Variants in OXNAD1 observed in about 807,000 individuals in gnomAD.
OXNAD1 encodes the protein oxidoreductase NAD binding domain containing 1, also known as oxidoreductase NAD-binding domain-containing protein 1.
In OXNAD1, 34 loss-of-function variants were observed where a neutral mutation model predicts 32.9. That is an observed-to-expected ratio of 1.03 (90% CI 0.79 to 1.38). The LOEUF (loss-of-function observed/expected upper bound fraction) is 1.38, where lower values mean the gene tolerates loss of function less well. Ranked by LOEUF, OXNAD1 falls within the 40% of genes most tolerant of loss-of-function variation. The pLI, the probability that OXNAD1 is intolerant of heterozygous loss-of-function variation, is 0.00. For synonymous variants in OXNAD1, 134 were observed against 135.2 expected (o/e 0.99, Z 0.06); for missense variants, 407 against 379.4 (o/e 1.07, Z -0.60).
intron 6 of OXNAD1, among the ~76,000 whole-genome samples, chr3:16,300,718 G>T (rs1217096980): frequency 6.6e-6 from 1 of 152,102 alleles, no homozygotes; most frequent in Non-Finnish European, 1.5e-5. Flanking sequence ...TCCTACAATG[G>T]CTGATTTCAA....
At position 16,335,374 on chromosome 3, in the gene OXNAD1, G is replaced by T. The variant is rs1360629497; in HGVS notation, c.*31-1738G>T. ...TTGGACAATCCTGCATGGGAAACAG[G>T]CTTAAGAAGGGAGTTTGTACCACAT... On this transcript the variant is annotated intron_variant, in intron 9 of 9. Transcript: ENST00000435829. The surrounding 1 kb of genome is among the most constrained non-coding windows in gnomAD (Gnocchi z 4.7). Among the ~76,000 whole-genome samples the T allele has an allele frequency of 6.6e-6, 1 of 152,188 alleles. No homozygotes were observed. Among genetic ancestry groups the T allele is most frequent in the Non-Finnish European group, 1.5e-5 (1 of 68,034 alleles).
chr3:16,328,926 C>T (rs947542768), intron 9 of OXNAD1, among the ~76,000 whole-genome samples: 3 of 152,190 alleles, frequency 2.0e-5, no homozygotes, highest in East Asian at 1.9e-4. Flanking sequence ...AGGATCAGCT[C>T]TGTTAGAAAT....
intron 9 of OXNAD1, among the ~76,000 whole-genome samples, chr3:16,343,178 G>A (rs990542586): frequency 6.6e-6 from 1 of 152,068 alleles, no homozygotes; most frequent in African/African-American, 2.4e-5. Flanking sequence ...GTGATTCTGA[G>A]GACTAGCAAG....
In OXNAD1 at chr3:16,301,547, C is replaced by A. The variant is rs2067181012; in HGVS notation, c.433-79C>A. 2 of 1,518,576 alleles carry A rather than the reference C, an allele frequency of 1.3e-6. No individual in the cohort carries two copies. Among genetic ancestry groups the A allele is most frequent in the Non-Finnish European group, 1.8e-6 (2 of 1,111,902 alleles). The allele number at this position is 1,518,576 out of a possible 1,614,324, so 94.1% of individuals were successfully genotyped here. A position where few individuals can be genotyped will look rare whatever the true frequency, so the allele number is the denominator to read the frequency against. ...AAATACTGATAATACAGGAGATAGACCCAGTTTTATTAAAGTAGAACATTT... is the reference window on the plus strand; with the variant it reads ...AAATACTGATAATACAGGAGATAGAACCAGTTTTATTAAAGTAGAACATTT... On this transcript the variant is annotated intron_variant, in intron 6 of 8. Coordinates refer to ENST00000285083, the MANE Select transcript of OXNAD1 (RefSeq NM_138381.5). This position sits in a 1 kb window ranked among gnomAD's most constrained non-coding sequence, Gnocchi z 4.1.
intron 4 of OXNAD1, among the ~76,000 whole-genome samples, chr3:16,285,642 T>C (rs903427621): frequency 6.6e-6 from 1 of 152,218 alleles, no homozygotes; most frequent in African/African-American, 2.4e-5. Context: ...AGAAATCAGA[T>C]ACATCATGTA....
chr3:16,312,898 T>TG lies in OXNAD1; in HGVS notation c.*30+9306_*30+9307insG, dbSNP rs1297991788. Among the ~76,000 whole-genome samples, 5 of 152,232 alleles carry TG rather than the reference T, an allele frequency of 3.3e-5. No homozygotes were observed. Among genetic ancestry groups the TG allele is most frequent in the Admixed American group, 1.3e-4 (2 of 15,284 alleles). On this transcript the variant is annotated intron_variant, in intron 9 of 9. Coordinates refer to the OXNAD1 transcript ENST00000435829. This position sits in a 1 kb window ranked among gnomAD's most constrained non-coding sequence, Gnocchi z 4.7. ...GACTAATGTTTACCTTTTTGTTACT[T>TG]ATAAACCATTGATAAATAATTTAAG...
intron 9 of OXNAD1, among the ~76,000 whole-genome samples, chr3:16,313,857 G>T (rs913935214): frequency 6.6e-6 from 1 of 152,114 alleles, no homozygotes; most frequent in Non-Finnish European, 1.5e-5. Context: ...TTTTGACCTT[G>T]TGGCTATATG....
At position 16,284,302 on chromosome 3, in the gene OXNAD1, CAATGA is replaced by C. The variant is rs2065936880; in HGVS notation, c.184-2036_184-2032del. Among the ~76,000 whole-genome samples the C allele has an allele frequency of 6.6e-6, 1 of 152,128 alleles. No homozygotes were observed. Among genetic ancestry groups the C allele is most frequent in the South Asian group, 2.1e-4 (1 of 4,826 alleles). On this transcript the variant is annotated intron_variant, in intron 4 of 8. Coordinates refer to ENST00000285083, the MANE Select transcript of OXNAD1 (RefSeq NM_138381.5). The surrounding 1 kb of genome is among the most constrained non-coding windows in gnomAD (Gnocchi z 4.1). ...AAATGCTAATTAATTTTAATTAAGACAATGAAATACAGTCATGTGTTGCCTGCTGA... is the reference window on the plus strand; with the variant it reads ...AAATGCTAATTAATTTTAATTAAGACAATACAGTCATGTGTTGCCTGCTGA...
At chr3:16,326,879 G>C in intron 9 of OXNAD1, 1 of 1,611,600 alleles carries the variant, frequency 6.2e-7, no homozygotes, top group East Asian at 2.2e-5. Flanking sequence ...TCGACACCCT[G>C]GGGGAACAAG....
chr3:16,336,706 G>A lies in OXNAD1; in HGVS notation c.*31-406G>A, dbSNP rs965908999. Among the ~76,000 whole-genome samples, 13 of 151,990 alleles carry A rather than the reference G, an allele frequency of 8.6e-5. 2 individuals carry two copies. Among genetic ancestry groups the A allele is most frequent in the Admixed American group, 1.3e-4 (2 of 15,280 alleles). ...AGCTTAGTTCTTAGATGCAGAAAAG[G>A]GTCAGAGGAAAATACATGTAGTGCA... On this transcript the variant is annotated intron_variant, in intron 9 of 9. Coordinates refer to the OXNAD1 transcript ENST00000435829. The surrounding 1 kb of genome is among the most constrained non-coding windows in gnomAD (Gnocchi z 6.0).
At chr3:16,272,094 T>C in intron 4 of OXNAD1, 1 of 408,682 alleles carries the variant, frequency 2.4e-6, no homozygotes, top group East Asian at 6.7e-5. Flanking sequence ...TGGGGTCTTT[T>C]TTTTTTTTTT....
Position 16,327,912 on chromosome 3 carries a change from A to G in OXNAD1, c.*31-9200A>G, listed in dbSNP as rs930466338. The stretch of plus-strand genomic sequence containing the variant: ...ACTACGGGTTCCTCACTAACACTCA[A>G]AGTGTAGCCCCCACCCCTGCTCTGT... On this transcript the variant is annotated intron_variant, in intron 9 of 9. Coordinates refer to the OXNAD1 transcript ENST00000435829. This position sits in a 1 kb window ranked among gnomAD's most constrained non-coding sequence, Gnocchi z 4.2. 2.6e-5 allele frequency among the ~76,000 whole-genome samples: 4 copies of G among 151,772 alleles called. No individual in the cohort carries two copies. Among genetic ancestry groups the G allele is most frequent in the African/African-American group, 9.7e-5 (4 of 41,424 alleles).
At position 16,265,495 on chromosome 3, in the gene OXNAD1, C is replaced by G. The variant is rs900077386; in HGVS notation, c.-169C>G. The G allele has an allele frequency of 1.3e-5, 2 of 153,002 alleles. No homozygotes were observed. The highest frequency in any genetic ancestry group is 4.8e-5 in the African/African-American group (2 of 41,422). The allele number at this position is 153,002 out of a possible 1,614,324, so 9.5% of individuals were successfully genotyped here. ...CAGGGCGACGGTCAGCTTGTTAATTCCTGGCTGCAGGTACATTCCGCTTCT... is the reference window on the plus strand; with the variant it reads ...CAGGGCGACGGTCAGCTTGTTAATTGCTGGCTGCAGGTACATTCCGCTTCT... On this transcript the variant is annotated 5_prime_UTR_variant, in exon 1 of 9. Transcript: ENST00000285083. This position sits in a 1 kb window ranked among gnomAD's most constrained non-coding sequence, Gnocchi z 4.8.
At chr3:16,282,820 C>CTTTTTTTTTTTTTT (rs11379565) in intron 4 of OXNAD1, among the ~76,000 whole-genome samples, 1 of 72,014 alleles carries the variant, frequency 1.4e-5, no homozygotes, top group Non-Finnish European at 2.5e-5. Context: ...GGACTTTCAG[C>CTTTTTTTTTTTTTT]TTTTTTTTTT....
intron 6 of OXNAD1, among the ~76,000 whole-genome samples, chr3:16,300,843 C>T (rs926093408): frequency 3.3e-5 from 5 of 152,168 alleles, no homozygotes; most frequent in African/African-American, 1.2e-4. Context: ...TGGCCCTGCC[C>T]TTTAAATGCC....
At chr3:16,292,136 A>G (rs2066469390) in intron 5 of OXNAD1, among the ~76,000 whole-genome samples, 1 of 151,350 alleles carries the variant, frequency 6.6e-6, no homozygotes, top group African/African-American at 2.4e-5. Context: ...GAACCTTAAT[A>G]TTAATAGATA....
At position 16,329,064 on chromosome 3, in the gene OXNAD1, T is replaced by A. The variant is rs531966364; in HGVS notation, c.*31-8048T>A. On this transcript the variant is annotated intron_variant, in intron 9 of 9. Coordinates refer to the OXNAD1 transcript ENST00000435829. The surrounding 1 kb of genome is among the most constrained non-coding windows in gnomAD (Gnocchi z 4.5). ...ATTGAATGGTGAGGCCTGGTGGGAG[T>A]GTTTAGGTCAGAAGGGCTCCACTCT... Among the ~76,000 whole-genome samples the A allele has an allele frequency of 1.3e-5, 2 of 151,414 alleles. No homozygotes were observed. Among genetic ancestry groups the A allele is most frequent in the East Asian group, 3.9e-4 (2 of 5,146 alleles).
Position 16,301,032 on chromosome 3 carries a change from C to G in OXNAD1, c.433-594C>G, listed in dbSNP as rs79600672. On this transcript the variant is annotated intron_variant, in intron 6 of 8. Transcript: ENST00000285083. This position sits in a 1 kb window ranked among gnomAD's most constrained non-coding sequence, Gnocchi z 4.1. Reference sequence around the variant, plus strand: ...TATCTAGATAGGTCTATGTGATACTCCCTAGTATGAAGCCTCTGGCTGCCT... The same window carrying G: ...TATCTAGATAGGTCTATGTGATACTGCCTAGTATGAAGCCTCTGGCTGCCT... Among the ~76,000 whole-genome samples the G allele has an allele frequency of 6.6e-5, 10 of 152,250 alleles. No individual in the cohort carries two copies. The East Asian group carries it at 1.7e-3, about 26-fold the overall frequency.
At chr3:16,313,376 G>A (rs1033833116) in intron 9 of OXNAD1, among the ~76,000 whole-genome samples, 2 of 151,968 alleles carry the variant, frequency 1.3e-5, no homozygotes, top group Non-Finnish European at 2.9e-5. Flanking sequence ...TGAGGGTGTT[G>A]GAGATGATGG....
Sources: allele counts gnomAD v4.1 joint callset (sites outside exome capture counted in the v4.1 genomes callset), GRCh38; gene constraint gnomAD v4.1.1; non-coding constraint Gnocchi (gnomAD v3.1); transcripts MANE v1.5; gene names NCBI Gene and HGNC (gene_info 2026-07-23, HGNC 2026-07-21).